The following C10orf90 variants were observed in gnomAD, a reference collection of about 807,000 sequenced individuals.
C10orf90 encodes the protein chromosome 10 open reading frame 90, also known as (E2-independent) E3 ubiquitin-conjugating enzyme FATS.
In C10orf90, 56 loss-of-function variants were observed where a neutral mutation model predicts 62.5. That is an observed-to-expected ratio of 0.90 (90% CI 0.72 to 1.12). The LOEUF is 1.12. Ranked by LOEUF, C10orf90 falls within the 50% of genes most tolerant of loss-of-function variation. The probability of loss-of-function intolerance (pLI) is 0.00; values close to 1 mark genes in which losing one functional copy is unlikely to be tolerated. For missense variants in C10orf90, 970 were observed against 880.4 expected (o/e 1.10, Z -1.29); for synonymous variants, 386 against 340.4 (o/e 1.13, Z -1.47).
chr10:126,624,069 C>A (rs1055522237), intron 2 of C10orf90, among the ~76,000 whole-genome samples: 1 of 151,926 alleles, frequency 6.6e-6, no homozygotes, highest in Non-Finnish European at 1.5e-5. Context: ...CAACTGGGGC[C>A]TAGCGCGGTG....
intron 2 of C10orf90, among the ~76,000 whole-genome samples, chr10:126,535,722 A>G (rs1864217566): frequency 6.6e-6 from 1 of 152,174 alleles, no homozygotes; most frequent in African/African-American, 2.4e-5. Context: ...CACAGGTGAC[A>G]GCGAAGAGCT....
intron 2 of C10orf90, among the ~76,000 whole-genome samples, chr10:126,595,082 C>A (rs1195280473): frequency 6.6e-6 from 1 of 152,208 alleles, no homozygotes; most frequent in Non-Finnish European, 1.5e-5. Flanking sequence ...ATAGCACTCT[C>A]CCATCTCAGA....
chr10:126,444,988 C>T (rs958794181), intron 7 of C10orf90, among the ~76,000 whole-genome samples: 1 of 152,086 alleles, frequency 6.6e-6, no homozygotes, highest in Non-Finnish European at 1.5e-5. Flanking sequence ...AAACTAGATC[C>T]TCATCTCTCA....
chr10:126,590,901 GA>G (rs776184470), intron 2 of C10orf90, among the ~76,000 whole-genome samples: 1 of 152,176 alleles, frequency 6.6e-6, no homozygotes, highest in South Asian at 2.1e-4. Flanking sequence ...AGCCATCAGA[GA>G]ATGTTATAAA....
At chr10:126,510,003 G>A (rs1410523463) in intron 3 of C10orf90, among the ~76,000 whole-genome samples, 1 of 152,146 alleles carries the variant, frequency 6.6e-6, no homozygotes, top group Non-Finnish European at 1.5e-5. Context: ...TTGGCTTGTA[G>A]ACGGCCATCT....
At chr10:126,558,760 C>T (rs1412293277) in intron 2 of C10orf90, among the ~76,000 whole-genome samples, 1 of 152,220 alleles carries the variant, frequency 6.6e-6, no homozygotes, top group African/African-American at 2.4e-5. Context: ...CATGATTTAA[C>T]CCACTAGTAA....
rs747114460 is a variant in C10orf90 at position 126,459,205 on chromosome 10, C to A, written c.2023G>T (p.Val675Phe). Residue 675 changes from valine to phenylalanine, a missense_variant, in exon 7 of 10, where the codon GTT becomes TTT. Physicochemically the swap from Val to Phe is conservative, Grantham distance 50. Coordinates refer to ENST00000488181, the MANE Select transcript of C10orf90 (RefSeq NM_001350921.2). ...CGAGAAATGAACTGAGGCTTACGAA[C>A]TTCCAGTGCTTCCTATGCAAAGCAA... Reference protein sequence around the residue: ...RSLTLQEALEVRKPQFISRSQ... With the variant: ...RSLTLQEALEFRKPQFISRSQ... 1 of 1,613,944 alleles carries A rather than the reference C, an allele frequency of 6.2e-7. No individual in the cohort carries two copies. The highest frequency in any genetic ancestry group is 8.5e-7 in the Non-Finnish European group (1 of 1,180,036).
chr10:126,584,496 G>A (rs994234932), intron 2 of C10orf90, among the ~76,000 whole-genome samples: 5 of 152,130 alleles, frequency 3.3e-5, no homozygotes, highest in Non-Finnish European at 7.3e-5. Flanking sequence ...GGCACCATGA[G>A]CATCTCCATC....
intron 2 of C10orf90, among the ~76,000 whole-genome samples, chr10:126,535,296 T>C (rs566470686): frequency 3.4e-4 from 51 of 152,110 alleles, no homozygotes; most frequent in African/African-American, 1.1e-3. Context: ...GGCAGGCGGA[T>C]CACGAGGTCA....
chr10:126,489,352 T>C (rs1861598379), intron 4 of C10orf90, among the ~76,000 whole-genome samples: 1 of 152,004 alleles, frequency 6.6e-6, no homozygotes, highest in Admixed American at 6.6e-5. Flanking sequence ...AAATTAGGAA[T>C]AGAAACAACA....
chr10:126,603,442 CAT>C (rs748855261), intron 2 of C10orf90, among the ~76,000 whole-genome samples: 7 of 152,246 alleles, frequency 4.6e-5, no homozygotes, highest in South Asian at 2.1e-4. Context: ...CCTCCCATAA[CAT>C]GTGGGGATTA....
chr10:126,565,334 TTA>T (rs1491107887), intron 2 of C10orf90, among the ~76,000 whole-genome samples: 2 of 44,530 alleles, frequency 4.5e-5, no homozygotes, highest in African/African-American at 1.2e-4. Flanking sequence ...TATATTTATA[TTA>T]TATATAATAT....
intron 2 of C10orf90, among the ~76,000 whole-genome samples, chr10:126,589,120 T>A (rs993771109): frequency 2.0e-5 from 3 of 152,132 alleles, no homozygotes; most frequent in Non-Finnish European, 2.9e-5. Flanking sequence ...GCTTGAAGAC[T>A]GTCTTTGGGA....
At chr10:126,626,330 C>A (rs2133822868) in intron 2 of C10orf90, among the ~76,000 whole-genome samples, 1 of 152,206 alleles carries the variant, frequency 6.6e-6, no homozygotes, top group African/African-American at 2.4e-5. Flanking sequence ...TTGTGACTTG[C>A]ATCTGTATTG....
intron 2 of C10orf90, among the ~76,000 whole-genome samples, chr10:126,561,842 CAG>C (rs1408448795): frequency 6.6e-6 from 1 of 152,166 alleles, no homozygotes; most frequent in African/African-American, 2.4e-5. Flanking sequence ...CACCTCCAGA[CAG>C]GAGCACAGGA....
chr10:126,451,958 T>C (rs761560962), intron 7 of C10orf90, among the ~76,000 whole-genome samples: 1 of 152,092 alleles, frequency 6.6e-6, no homozygotes, highest in Non-Finnish European at 1.5e-5. Flanking sequence ...GGTCAAAGGG[T>C]ACAAAGTTTT....
chr10:126,548,766 G>A (rs1379162833), intron 2 of C10orf90, among the ~76,000 whole-genome samples: 2 of 137,282 alleles, frequency 1.5e-5, no homozygotes, highest in East Asian at 2.2e-4. Context: ...TTTTTGAGAC[G>A]GAGTCTCACT....
intron 4 of C10orf90, among the ~76,000 whole-genome samples, chr10:126,477,728 A>C (rs577858302): frequency 2.0e-5 from 3 of 152,246 alleles, no homozygotes; most frequent in Non-Finnish European, 4.4e-5. Context: ...TGGTAGATTT[A>C]AAAAGTTCCT....
chr10:126,460,256 T>C (rs1290167801), intron 6 of C10orf90, among the ~76,000 whole-genome samples: 1 of 152,216 alleles, frequency 6.6e-6, no homozygotes, highest in African/African-American at 2.4e-5. Flanking sequence ...TATGTTTACC[T>C]CCGTGCTAGG....
Sources: allele counts gnomAD v4.1 joint callset (sites outside exome capture counted in the v4.1 genomes callset), GRCh38; gene constraint gnomAD v4.1.1; transcripts MANE v1.5; gene names NCBI Gene and HGNC (gene_info 2026-07-23, HGNC 2026-07-21).